CSMD1: variants seen among roughly 807,000 people sequenced by gnomAD.
CSMD1 encodes the protein CUB and Sushi multiple domains 1.
Under a neutral mutation model 417.5 loss-of-function variants are expected in CSMD1, and 213 were observed. The ratio of observed to expected loss-of-function variants is 0.51; its 90% CI spans 0.46 to 0.57. The LOEUF (loss-of-function observed/expected upper bound fraction) is 0.57. CSMD1 is among the 20% of genes least tolerant of loss of function. The probability of loss-of-function intolerance (pLI) is 0.00; values close to 1 mark genes in which losing one functional copy is unlikely to be tolerated. For synonymous variants in CSMD1, 2,862 were observed against 1,736.8 expected (o/e 1.65, Z -16.11); for missense variants, 6,923 against 4,529.7 (o/e 1.53, Z -15.17).
chr8:4,023,677 C>G (rs1213506090), intron 4 of CSMD1, among the ~76,000 whole-genome samples: 1 of 150,754 alleles, frequency 6.6e-6, no homozygotes, highest in African/African-American at 2.4e-5. Context: ...AGCTCCGCCT[C>G]CAGGGTTCAC....
chr8:3,718,505 A>G (rs1463352647), intron 6 of CSMD1, among the ~76,000 whole-genome samples: 1 of 152,176 alleles, frequency 6.6e-6, no homozygotes, highest in African/African-American at 2.4e-5. Context: ...TACAATGTGA[A>G]CCATTTGTAC....
At chr8:4,178,485 GC>G (rs1798180144) in intron 3 of CSMD1, among the ~76,000 whole-genome samples, 1 of 151,006 alleles carries the variant, frequency 6.6e-6, no homozygotes, top group Admixed American at 6.6e-5. Context: ...TACTGAATGG[GC>G]AAAAACTGGA....
intron 3 of CSMD1, among the ~76,000 whole-genome samples, chr8:4,085,497 A>G (rs1051176446): frequency 7.2e-5 from 11 of 152,226 alleles, no homozygotes; most frequent in African/African-American, 1.4e-4. Context: ...GGATACTCCA[A>G]TTCTTTCCTA....
chr8:4,783,726 G>T (rs1797269247), intron 1 of CSMD1, among the ~76,000 whole-genome samples: 1 of 152,166 alleles, frequency 6.6e-6, no homozygotes, highest in Admixed American at 6.5e-5. Context: ...AACTTGAGTG[G>T]AAACTGCAAG....
At chr8:3,347,934 CAATG>C in intron 22 of CSMD1, 54 bp downstream of exon 22, 1 of 1,203,352 alleles carries the variant, frequency 8.3e-7, no homozygotes, top group Non-Finnish European at 1.2e-6. Flanking sequence ...AATAGATAGA[CAATG>C]TATTTTTTGA....
chr8:4,113,414 T>C (rs1281956873), intron 3 of CSMD1, among the ~76,000 whole-genome samples: 2 of 140,110 alleles, frequency 1.4e-5, no homozygotes, highest in African/African-American at 5.3e-5. Flanking sequence ...TTTTTTTTTT[T>C]TTTTAAATGA....
intron 10 of CSMD1, among the ~76,000 whole-genome samples, chr8:3,527,636 C>T (rs1007854430): frequency 5.3e-5 from 8 of 152,072 alleles, no homozygotes; most frequent in Non-Finnish European, 1.2e-4. Flanking sequence ...CTGGTGAAAT[C>T]TCAAACCAGG....
chr8:4,201,540 C>CAAAAAAAAAAAAAAAAAAAAAAAAA (rs1157479482), intron 3 of CSMD1, among the ~76,000 whole-genome samples: 1 of 59,030 alleles, frequency 1.7e-5, no homozygotes, highest in Non-Finnish European at 2.8e-5. Flanking sequence ...TCTGTCTCCA[C>CAAAAAAAAAAAAAAAAAAAAAAAAA]AAAAAAAAAA....
Position 3,541,568 on chromosome 8 carries a change from T to C in CSMD1, c.1344+33377A>G, listed in dbSNP as rs866121796. 1.1e-3 allele frequency among the ~76,000 whole-genome samples: 135 copies of C among 127,320 alleles called. 1 individual carries two copies. Among genetic ancestry groups the C allele is most frequent in the Admixed American group, 5.4e-3 (71 of 13,132 alleles). The allele number at this position is 127,320 out of a possible 152,430, so 83.5% of individuals were successfully genotyped here. A position where few individuals can be genotyped will look rare whatever the true frequency, so the allele number is the denominator to read the frequency against. On this transcript the variant is annotated intron_variant, in intron 10 of 69. Coordinates refer to ENST00000635120, the MANE Select transcript of CSMD1 (RefSeq NM_033225.6). ...AAAATATGAGAATAAATTAAATATA[T>C]ATAATAAAAAATAAAATAAAAATAA...
chr8:4,770,793 A>T (rs1796562475), intron 1 of CSMD1, among the ~76,000 whole-genome samples: 2 of 152,184 alleles, frequency 1.3e-5, no homozygotes, highest in Admixed American at 1.3e-4. Context: ...TTTATACCAT[A>T]CATAAAAATC....
At chr8:4,280,613 T>C (rs1175845465) in intron 3 of CSMD1, among the ~76,000 whole-genome samples, 1 of 152,216 alleles carries the variant, frequency 6.6e-6, no homozygotes, top group Non-Finnish European at 1.5e-5. Flanking sequence ...AAGGTAAACC[T>C]ATGTTGATAA....
At chr8:4,799,379 G>C (rs942762584) in intron 1 of CSMD1, among the ~76,000 whole-genome samples, 3 of 151,798 alleles carry the variant, frequency 2.0e-5, no homozygotes, top group Admixed American at 6.6e-5. Flanking sequence ...GATCATATAA[G>C]TGTTTTAAAA....
intron 7 of CSMD1, among the ~76,000 whole-genome samples, chr8:3,659,814 C>A (rs17066851): frequency 1.3e-5 from 2 of 152,052 alleles, no homozygotes; most frequent in African/African-American, 2.4e-5. Flanking sequence ...TAAAACCATT[C>A]GGCATAAAAT....
intron 3 of CSMD1, among the ~76,000 whole-genome samples, chr8:4,165,607 TG>T (rs1797413049): frequency 6.6e-6 from 1 of 152,170 alleles, no homozygotes; most frequent in Non-Finnish European, 1.5e-5. Context: ...CTCACTATGT[TG>T]CCCAGGCTTG....
intron 5 of CSMD1, among the ~76,000 whole-genome samples, chr8:3,772,483 A>T (rs1297268930): frequency 0.16 from 7,272 of 45,982 alleles, 1,758 homozygotes; most frequent in African/African-American, 0.17. Context: ...ATATATACAT[A>T]TATACACATA....
chr8:4,363,160 A>T (rs1233510052), intron 3 of CSMD1, among the ~76,000 whole-genome samples: 1 of 152,226 alleles, frequency 6.6e-6, no homozygotes, highest in South Asian at 2.1e-4. Flanking sequence ...AGTTTCAAAC[A>T]TACCTAAACA....
At chr8:4,716,324 A>G (rs1808656869) in intron 1 of CSMD1, among the ~76,000 whole-genome samples, 1 of 152,196 alleles carries the variant, frequency 6.6e-6, no homozygotes, top group African/African-American at 2.4e-5. Flanking sequence ...GTGGCTGAGG[A>G]AATGTCTTCT....
chr8:3,411,732 A>G (rs1252044717), intron 12 of CSMD1, among the ~76,000 whole-genome samples: 3 of 137,478 alleles, frequency 2.2e-5, no homozygotes, highest in African/African-American at 8.2e-5. Flanking sequence ...GTACATATAT[A>G]CACGTGTATA....
chr8:3,319,879 G>A (rs1033400768), intron 23 of CSMD1, among the ~76,000 whole-genome samples: 5 of 151,980 alleles, frequency 3.3e-5, no homozygotes, highest in African/African-American at 1.2e-4. Context: ...GCTCTTAGAT[G>A]GGAATATCAA....
Sources: allele counts gnomAD v4.1 joint callset (sites outside exome capture counted in the v4.1 genomes callset), GRCh38; gene constraint gnomAD v4.1.1; transcripts MANE v1.5; gene names NCBI Gene and HGNC (gene_info 2026-07-23, HGNC 2026-07-21).